The following PRKD1 variants were observed in gnomAD, a reference collection of about 807,000 sequenced individuals.
PRKD1 encodes serine/threonine-protein kinase D1.
In PRKD1, 63 loss-of-function variants were observed where a neutral mutation model predicts 95.9. The observed-to-expected ratio is 0.66, with a 90% CI of 0.54 to 0.81. The LOEUF (loss-of-function observed/expected upper bound fraction) is 0.81, where lower values mean the gene tolerates loss of function less well. PRKD1 is among the 30% of genes least tolerant of loss of function. The probability of loss-of-function intolerance (pLI) is 0.00; values close to 1 mark genes in which losing one functional copy is unlikely to be tolerated. For missense variants in PRKD1, 1,048 were observed against 1,165.3 expected (o/e 0.90, Z 1.47); for synonymous variants, 425 against 423.1 (o/e 1.00, Z -0.05).
chr14:29,747,139 T>A (rs1222085079), intron 1 of PRKD1, among the ~76,000 whole-genome samples: 1 of 152,160 alleles, frequency 6.6e-6, no homozygotes, highest in African/African-American at 2.4e-5. Flanking sequence ...CCAAATGTGA[T>A]AAGTACACAT....
intron 1 of PRKD1, among the ~76,000 whole-genome samples, chr14:29,733,619 G>A (rs1168253094): frequency 2.0e-5 from 3 of 152,126 alleles, no homozygotes; most frequent in Admixed American, 2.0e-4. Flanking sequence ...AAGGCTGCAG[G>A]AAGGAGAATT....
intron 11 of PRKD1, among the ~76,000 whole-genome samples, chr14:29,628,664 G>C (rs1166072767): frequency 6.6e-6 from 1 of 152,110 alleles, no homozygotes; most frequent in Non-Finnish European, 1.5e-5. Flanking sequence ...TAAGGAATGA[G>C]AACAATGGCA....
Position 29,731,795 on chromosome 14 carries a change from GTGTCTT to G in PRKD1, c.265-6127_265-6122del, listed in dbSNP as rs555039042. 5.3e-5 allele frequency among the ~76,000 whole-genome samples: 8 copies of G among 150,732 alleles called. No individual in the cohort carries two copies. In the South Asian group the frequency reaches 1.3e-3, roughly 24 times the overall value. On this transcript the variant is annotated intron_variant, in intron 1 of 17. Coordinates refer to ENST00000331968, the MANE Select transcript of PRKD1 (RefSeq NM_002742.3). ...CTATGTTGTCATTCTTTAAATCCCTGTGTCTTTATAAAGTTGTTGTACACACGTATA... is the reference window on the plus strand; with the variant it reads ...CTATGTTGTCATTCTTTAAATCCCTGTATAAAGTTGTTGTACACACGTATA...
chr14:29,805,684 A>G (rs1890203409), intron 1 of PRKD1, among the ~76,000 whole-genome samples: 1 of 152,186 alleles, frequency 6.6e-6, no homozygotes, highest in African/African-American at 2.4e-5. Context: ...AGGAGAGGTT[A>G]AAAAACTTGT....
At chr14:29,826,682 T>TGTAC (rs1336858237) in intron 1 of PRKD1, among the ~76,000 whole-genome samples, 2 of 48,640 alleles carry the variant, frequency 4.1e-5, no homozygotes, top group African/African-American at 1.3e-4. Flanking sequence ...TGTATATATA[T>TGTAC]ATACACACAT....
At chr14:29,621,685 A>G (rs1464228811) in intron 13 of PRKD1, among the ~76,000 whole-genome samples, 1 of 152,220 alleles carries the variant, frequency 6.6e-6, no homozygotes, top group Admixed American at 6.5e-5. Flanking sequence ...GCTGAGTGAT[A>G]TAATTTAAAG....
At chr14:29,593,900 G>A (rs932592235) in intron 16 of PRKD1, among the ~76,000 whole-genome samples, 1 of 152,132 alleles carries the variant, frequency 6.6e-6, no homozygotes, top group Non-Finnish European at 1.5e-5. Flanking sequence ...TAATTAATGA[G>A]TAAAATATTT....
chr14:29,927,694 G>T lies in PRKD1; in HGVS notation c.-182C>A. 4.8e-6 allele frequency: 1 copy of T among 207,752 alleles called. No homozygotes were observed. Among genetic ancestry groups the T allele is most frequent in the Non-Finnish European group, 8.8e-6 (1 of 113,098 alleles). 12.9% of individuals were successfully genotyped at this position (207,752 alleles called of 1,614,324 possible). ...GGGGATGAGGATCGGGAGGGGAGGGGACTAAGGGGAGGAGATGGGGAGGAG... is the reference window on the plus strand; with the variant it reads ...GGGGATGAGGATCGGGAGGGGAGGGTACTAAGGGGAGGAGATGGGGAGGAG... On this transcript the variant is annotated 5_prime_UTR_variant, in exon 1 of 18. Transcript: ENST00000331968.
Position 29,890,864 on chromosome 14 carries a change from G to A in PRKD1, c.264+36385C>T, listed in dbSNP as rs182334200. 7.9e-5 allele frequency among the ~76,000 whole-genome samples: 12 copies of A among 152,268 alleles called. No individual in the cohort carries two copies. The East Asian group carries it at 1.9e-3, about 24-fold the overall frequency. On this transcript the variant is annotated intron_variant, in intron 1 of 17. Coordinates refer to ENST00000331968, the MANE Select transcript of PRKD1 (RefSeq NM_002742.3). ...TGTTGATATGCTGTTAATGTTGAAT[G>A]AAAGTTAATGTTAATGTTAATACTG...
chr14:29,789,113 T>C (rs1027827706), intron 1 of PRKD1, among the ~76,000 whole-genome samples: 2 of 152,166 alleles, frequency 1.3e-5, no homozygotes, highest in Non-Finnish European at 2.9e-5. Flanking sequence ...CTCTAATTCC[T>C]GAGCTCAAGT....
chr14:29,586,793 C>T (rs1226815032), intron 16 of PRKD1, among the ~76,000 whole-genome samples: 2 of 151,986 alleles, frequency 1.3e-5, no homozygotes, highest in African/African-American at 4.8e-5. Flanking sequence ...AGGCACCACA[C>T]CTGGTATTTT....
In PRKD1 at chr14:29,664,431, C is replaced by T. The variant is rs182898083; in HGVS notation, c.536-572G>A. ...TCAATAATTGGAAACAGATTTCCCA[C>T]CTAGGCAAGTGTCAGTTTCTTTTCA... On this transcript the variant is annotated intron_variant, in intron 3 of 17. Transcript: ENST00000331968. Among the ~76,000 whole-genome samples, 17 of 152,242 alleles carry T rather than the reference C, an allele frequency of 1.1e-4. No individual in the cohort carries two copies. The East Asian group carries it at 2.9e-3, about 26-fold the overall frequency.
At chr14:29,761,896 C>T (rs568377262) in intron 1 of PRKD1, among the ~76,000 whole-genome samples, 5 of 151,570 alleles carry the variant, frequency 3.3e-5, no homozygotes, top group African/African-American at 1.2e-4. Context: ...AATCCTCACA[C>T]CTCAGCTCCC....
At chr14:29,675,896 G>A (rs1430290469) in intron 2 of PRKD1, among the ~76,000 whole-genome samples, 6 of 147,614 alleles carry the variant, frequency 4.1e-5, no homozygotes, top group East Asian at 2.1e-4. Flanking sequence ...CACAAACACC[G>A]CATGTTCTCA....
intron 4 of PRKD1, among the ~76,000 whole-genome samples, chr14:29,645,180 T>A (rs1162416908): frequency 2.0e-5 from 3 of 152,148 alleles, no homozygotes; most frequent in Admixed American, 2.0e-4. Flanking sequence ...AAGGACAACA[T>A]AAGAGGCAAT....
chr14:29,913,613 T>C (rs546949652), intron 1 of PRKD1, among the ~76,000 whole-genome samples: 1 of 152,244 alleles, frequency 6.6e-6, no homozygotes, highest in Admixed American at 6.5e-5. Context: ...AGCCACTGGG[T>C]TTATGTAAAT....
Position 29,591,587 on chromosome 14 carries a change from C to T in PRKD1, c.2434+5904G>A, listed in dbSNP as rs758637077. 4.2e-4 allele frequency among the ~76,000 whole-genome samples: 64 copies of T among 152,116 alleles called. 1 individual carries two copies. Among genetic ancestry groups the T allele is most frequent in the Non-Finnish European group, 7.5e-4 (51 of 68,006 alleles). On this transcript the variant is annotated intron_variant, in intron 16 of 17. Transcript: ENST00000331968. ...GCTCCTCTAATTAACTGCTGGCATG[C>T]TAAAGTTAAAAAATGCCTGCTATAG...
chr14:29,914,004 G>GA (rs1222298731), intron 1 of PRKD1, among the ~76,000 whole-genome samples: 2 of 152,168 alleles, frequency 1.3e-5, no homozygotes, highest in Non-Finnish European at 2.9e-5. Flanking sequence ...ATACATCAAA[G>GA]AAAAGCACCT....
chr14:29,707,623 C>A (rs1885153639), intron 2 of PRKD1, among the ~76,000 whole-genome samples: 1 of 152,178 alleles, frequency 6.6e-6, no homozygotes, highest in African/African-American at 2.4e-5. Flanking sequence ...CCTCTCCTAT[C>A]AGTTTCTTCC....
Sources: allele counts gnomAD v4.1 joint callset (sites outside exome capture counted in the v4.1 genomes callset), GRCh38; gene constraint gnomAD v4.1.1; transcripts MANE v1.5; gene names NCBI Gene and HGNC (gene_info 2026-07-23, HGNC 2026-07-21).